The following MYH8 variants were observed in gnomAD, a reference collection of about 807,000 sequenced individuals.
MYH8 encodes the protein myosin-8.
A neutral mutation model predicts 233.2 loss-of-function variants in MYH8; 168 were observed. The ratio of observed to expected loss-of-function variants is 0.72; its 90% CI spans 0.64 to 0.82. The LOEUF is 0.82. Among genes scored for constraint, MYH8 ranks in the 40% least tolerant of loss-of-function variants. MYH8 has a pLI of 0.00. For synonymous variants in MYH8, 785 were observed against 850.6 expected, an observed-to-expected ratio of 0.92 and a Z score of 1.34; for missense variants, 1,995 against 2,327.8, an observed-to-expected ratio of 0.86 and a Z score of 2.94.
At position 10,401,158 on chromosome 17, in the gene MYH8, G is replaced by C. The variant is rs977910326; in HGVS notation, c.3142C>G (p.Arg1048Gly). Reference protein sequence around the residue: ...EGSLEQEKKLRMDLERAKRKL... With the variant: ...EGSLEQEKKLGMDLERAKRKL... ...CGCTTTGCTCTTTCTAGATCCATTC[G>C]AAGCTTCTTTTCTTGTTCCAGAGAC... Residue 1048 changes from arginine (R) to glycine (G), a missense_variant, in exon 25 of 40, where the codon CGA becomes GGA. Physicochemically the swap from Arg to Gly is moderately radical, Grantham distance 125. Coordinates refer to ENST00000403437, the MANE Select transcript of MYH8 (RefSeq NM_002472.3). The C allele has an allele frequency of 5.0e-6, 8 of 1,613,556 alleles. No homozygotes were observed. In the Admixed American group the frequency reaches 5.0e-5, roughly 10 times the overall value.
chr17:10,420,591 C>T (rs548891643), intron 2 of MYH8, among the ~76,000 whole-genome samples: 12 of 152,204 alleles, frequency 7.9e-5, no homozygotes, highest in Non-Finnish European at 1.8e-4. Flanking sequence ...TTCCTCTCCT[C>T]TTTCTGCATA....
rs376632174 is a variant in MYH8 at position 10,398,561 on chromosome 17, T to C, written c.4061A>G (p.Gln1354Arg). The C allele has an allele frequency of 1.9e-6, 3 of 1,614,056 alleles. No individual in the cohort carries two copies. Among genetic ancestry groups the C allele is most frequent in the African/African-American group, 2.7e-5 (2 of 74,910 alleles). ...DLLREQYEEEQEGKAELQRAL... is the reference protein window; with the variant it reads ...DLLREQYEEEREGKAELQRAL... Reference sequence around the variant, plus strand: ...CCTCTGCAGCTCAGCTTTGCCTTCCTGCTCTTCCTCATACTGTTCCCGCAG... The same window carrying C: ...CCTCTGCAGCTCAGCTTTGCCTTCCCGCTCTTCCTCATACTGTTCCCGCAG... The change falls in exon 30 of 40, where the codon CAG (glutamine) becomes CGG (arginine). Residue 1354 changes from glutamine to arginine, a missense_variant. Physicochemically the swap from Gln to Arg is conservative, Grantham distance 43 (BLOSUM62 1). This residue lies in a region of MYH8 where 1,498 missense variants were observed against 1,680.9 expected (regional missense o/e 0.89). Transcript: ENST00000403437.
At position 10,409,488 on chromosome 17, in the gene MYH8, G is replaced by A. The variant is rs764209039; in HGVS notation, c.1688C>T (p.Ser563Phe). 33 of 1,614,122 alleles carry A rather than the reference G, an allele frequency of 2.0e-5. No homozygotes were observed. The highest frequency in any genetic ancestry group is 1.6e-4 in the Middle Eastern group (1 of 6,084). ...NKLYDQHLGK[S>F]ANFQKPKVVK... ...CACCTTGGGCTTCTGGAAGTTGGCA[G>A]ACTTGCCCAGGTGCTGGTCATACAG... The change falls in exon 16 of 40, where the codon TCT (serine) becomes TTT (phenylalanine). Residue 563 changes from serine to phenylalanine, a missense_variant. Physicochemically the swap from Ser to Phe is radical, Grantham distance 155. Around this residue, in one of 3 missense-constraint regions of MYH8, gnomAD observed 1,498 missense variants for 1,680.9 expected, o/e 0.89. Transcript: ENST00000403437.
Position 10,400,360 on chromosome 17 carries a change from T to C in MYH8, c.3735+30A>G. The C allele has an allele frequency of 6.2e-7, 1 of 1,608,350 alleles. No homozygotes were observed. Among genetic ancestry groups the C allele is most frequent in the East Asian group, 2.2e-5 (1 of 44,874 alleles). On this transcript the variant is annotated intron_variant, in intron 27 of 39. Transcript: ENST00000403437. This position sits in a 1 kb window ranked among gnomAD's most constrained non-coding sequence, Gnocchi z 4.0. ...GAATAATGGGTGTTCTTACAGATGATTACCTTCATTTAGAGACAGTATTGG... is the reference window on the plus strand; with the variant it reads ...GAATAATGGGTGTTCTTACAGATGACTACCTTCATTTAGAGACAGTATTGG...
intron 30 of MYH8, 55 bp from the exon 31 acceptor site, chr17:10,397,041 A>C: frequency 1.3e-6 from 2 of 1,575,686 alleles, no homozygotes; most frequent in African/African-American, 1.3e-5. Flanking sequence ...GCAAAGTGAT[A>C]ACCTCCTTGG....
In MYH8 at chr17:10,399,683, A is replaced by G. The variant is rs1044995074; in HGVS notation, c.3736-14T>C. On this transcript the variant is annotated splice_polypyrimidine_tract_variant and intron_variant, in intron 27 of 39. Transcript: ENST00000403437. ...TTCAAGGTTTCCCTACAGGATATGT[A>G]GCAATGAAAGATGAGACATTGAATG... 3 of 1,613,876 alleles carry G rather than the reference A, an allele frequency of 1.9e-6. No homozygotes were observed. Among genetic ancestry groups the G allele is most frequent in the Non-Finnish European group, 2.5e-6 (3 of 1,179,906 alleles).
In MYH8 at chr17:10,404,539, CGTT is replaced by C; in HGVS notation, c.2476_2478del (p.Asn826del). The C allele has an allele frequency of 6.2e-7, 1 of 1,613,946 alleles. No individual in the cohort carries two copies. Among genetic ancestry groups the C allele is most frequent in the Non-Finnish European group, 8.5e-7 (1 of 1,179,872 alleles). On this transcript the variant is annotated inframe_deletion, in exon 22 of 40. Coordinates refer to ENST00000403437, the MANE Select transcript of MYH8 (RefSeq NM_002472.3). ...AGTTTCATCCAGGGCCAGTGCTTGA[CGTT>C]CATGAAGGCACGGACATTATACTGG...
rs147139573 is a variant in MYH8 at position 10,394,340 on chromosome 17, C to T, written c.5075G>A (p.Trp1692Ter). 61 of 1,614,086 alleles carry T rather than the reference C, an allele frequency of 3.8e-5. No homozygotes were observed. The African/African-American group carries it at 6.0e-4, about 16-fold the overall frequency. The change falls in exon 35 of 40, where the codon TGG becomes TAG. Residue 1692 changes from tryptophan to a stop codon, truncating the protein, a stop_gained. Coordinates refer to ENST00000403437, the MANE Select transcript of MYH8 (RefSeq NM_002472.3). LOFTEE classifies it high-confidence loss of function. ...NLLQAEIEEL[W>*]ATLEQTERSR... ...TCTCTCTGTCTGTTCCAGAGTGGCC[C>T]ACAGCTCCTCGATCTCAGCCTGCAG... is the stretch of plus-strand genomic sequence containing the variant.
rs368873134 is a variant in MYH8 at position 10,408,043 on chromosome 17, C to T, written c.1965+1054G>A. Among the ~76,000 whole-genome samples, 24 of 150,914 alleles carry T rather than the reference C, an allele frequency of 1.6e-4. 1 individual carries two copies. The highest frequency in any genetic ancestry group is 9.9e-4 in the East Asian group (5 of 5,060). On this transcript the variant is annotated intron_variant, in intron 17 of 39. Transcript: ENST00000403437. The stretch of plus-strand genomic sequence containing the variant: ...GCAACCTCTACCTCCTGGGTGCAAG[C>T]GATTCTTCTGCCTCAGCCTCCCGAG...
Position 10,416,636 on chromosome 17 carries a change from T to C in MYH8, c.512-928A>G, listed in dbSNP as rs139231773. On this transcript the variant is annotated intron_variant, in intron 5 of 39. Coordinates refer to ENST00000403437, the MANE Select transcript of MYH8 (RefSeq NM_002472.3). Reference sequence around the variant, plus strand: ...TTGTTATTTTCTGATTTTTTGATAGTAAACATCCTAACGAGTGTAAGGTAC... The same window carrying C: ...TTGTTATTTTCTGATTTTTTGATAGCAAACATCCTAACGAGTGTAAGGTAC... Among the ~76,000 whole-genome samples, 827 of 152,328 alleles carry C rather than the reference T, an allele frequency of 5.4e-3. 14 individuals carry two copies. Among genetic ancestry groups the C allele is most frequent in the Admixed American group, 0.026 (403 of 15,300 alleles).
At position 10,417,934 on chromosome 17, in the gene MYH8, CAG is replaced by C. The variant is rs1368484243; in HGVS notation, c.511+709_511+710del. 3.3e-5 allele frequency among the ~76,000 whole-genome samples: 5 copies of C among 152,050 alleles called. No homozygotes were observed. The highest frequency in any genetic ancestry group is 7.4e-5 in the Non-Finnish European group (5 of 68,000). On this transcript the variant is annotated intron_variant, in intron 5 of 39. Transcript: ENST00000403437. This position sits in a 1 kb window ranked among gnomAD's most constrained non-coding sequence, Gnocchi z 4.1. Reference sequence around the variant, plus strand: ...AAATTCCATGGAACAACAGGAAACTCAGGAATAGAAAGTATTTCCAAAGGCAG... The same window carrying C: ...AAATTCCATGGAACAACAGGAAACTCGAATAGAAAGTATTTCCAAAGGCAG...
At chr17:10,391,791 T>G in intron 39 of MYH8, 91 bp downstream of exon 39, 1 of 988,652 alleles carries the variant, frequency 1.0e-6, no homozygotes, top group Admixed American at 1.7e-5. Context: ...AGATTTTCAC[T>G]TTGTCTTCTT....
At chr17:10,392,787 T>C (rs758131583) in intron 37 of MYH8, 44 bp downstream of exon 37, 3 of 1,613,520 alleles carry the variant, frequency 1.9e-6, no homozygotes, top group Non-Finnish European at 2.5e-6. Flanking sequence ...GTAGAGAGAG[T>C]GCCCTTTTTC....
chr17:10,399,704 G>T (rs1373630956), intron 27 of MYH8, 35 bp from the exon 28 acceptor site: 1 of 1,612,826 alleles, frequency 6.2e-7, no homozygotes, highest in Non-Finnish European at 8.5e-7. Context: ...ATGAGACATT[G>T]AATGCAATAA....
At chr17:10,413,861 T>C in intron 12 of MYH8, 41 bp downstream of exon 12, 1 of 1,613,710 alleles carries the variant, frequency 6.2e-7, no homozygotes, top group Non-Finnish European at 8.5e-7. Flanking sequence ...TTTTTTTTGC[T>C]ACATTCTCTC....
chr17:10,406,296 T>G lies in MYH8; in HGVS notation c.2273A>C (p.Gln758Pro), dbSNP rs945295096. The change falls in exon 20 of 40, where the codon CAA (glutamine) becomes CCA (proline). Residue 758 changes from glutamine (Q) to proline (P), a missense_variant. Coordinates refer to ENST00000403437, the MANE Select transcript of MYH8 (RefSeq NM_002472.3). ...LLASIDIDHTQYKFGHTKVFF... is the reference protein window; with the variant it reads ...LLASIDIDHTPYKFGHTKVFF... Reference sequence around the variant, plus strand: ...TACCTTGGTATGTCCAAATTTATATTGAGTATGATCAATATCAATAGATGC... The same window carrying G: ...TACCTTGGTATGTCCAAATTTATATGGAGTATGATCAATATCAATAGATGC... 6.2e-7 allele frequency: 1 copy of G among 1,614,038 alleles called. No homozygotes were observed. Among genetic ancestry groups the G allele is most frequent in the East Asian group, 2.2e-5 (1 of 44,864 alleles).
In MYH8 at chr17:10,401,109, A is replaced by G. The variant is rs758818675; in HGVS notation, c.3191T>C (p.Leu1064Ser). ...AKRKLEGDLK[L>S]AQESTMDMEN... ...CATATCCATTGTGGATTCTTGGGCC[A>G]ATTTGAGGTCACCCTCCAGTTTCCG... is the stretch of plus-strand genomic sequence containing the variant. Residue 1064 changes from leucine to serine, a missense_variant, in exon 25 of 40, where the codon TTG (leucine) becomes TCG (serine). This residue lies in a region of MYH8 where 1,498 missense variants were observed against 1,680.9 expected (regional missense o/e 0.89). Coordinates refer to ENST00000403437, the MANE Select transcript of MYH8 (RefSeq NM_002472.3). The G allele has an allele frequency of 1.9e-6, 3 of 1,614,122 alleles. No homozygotes were observed. Among genetic ancestry groups the G allele is most frequent in the Non-Finnish European group, 2.5e-6 (3 of 1,180,018 alleles).
Position 10,394,417 on chromosome 17 carries a change from G to A in MYH8, c.4998C>T (p.Gly1666=), listed in dbSNP as rs773348128. 1.2e-6 allele frequency: 2 copies of A among 1,614,150 alleles called. No individual in the cohort carries two copies. The highest frequency in any genetic ancestry group is 1.1e-5 in the South Asian group (1 of 91,074). The change falls in exon 35 of 40, where the codon GGC becomes GGT. Residue 1666 remains glycine, a synonymous_variant. Coordinates refer to ENST00000403437, the MANE Select transcript of MYH8 (RefSeq NM_002472.3). ...TQLHLDDALR[G]QEDLKEQLAI... ...CCAGCTGTTCCTTGAGGTCCTCCTG[G>A]CCCCGGAGAGCATCATCCAGGTGGA...
rs746739935 is a variant in MYH8, at chr17:10,401,464, A to G, written c.2932-13T>C. 2.4e-5 allele frequency: 38 copies of G among 1,614,144 alleles called. No individual in the cohort carries two copies. Among genetic ancestry groups the G allele is most frequent in the Middle Eastern group, 1.7e-4 (1 of 6,058 alleles). ...TAAGATTTTTCACCTACAAAGGTTA[A>G]GAAAGAGATTATTTCTCCTATAAAG... On this transcript the variant is annotated splice_polypyrimidine_tract_variant and intron_variant, in intron 23 of 39. Transcript: ENST00000403437.
Sources: gnomAD v4.1 joint callset for allele counts (sites outside exome capture counted in the v4.1 genomes callset) on GRCh38, gnomAD v4.1.1 for gene constraint, gnomAD v4.1.1 regional missense constraint, Gnocchi (gnomAD v3.1) non-coding constraint, MANE v1.5 for transcripts, NCBI Gene and HGNC (gene_info 2026-07-23, HGNC 2026-07-21) for gene names.